Variants in TTC39C observed in about 807,000 individuals in gnomAD.
TTC39C encodes the protein tetratricopeptide repeat domain 39C.
A neutral mutation model predicts 76.3 loss-of-function variants in TTC39C; 33 were observed. The ratio of observed to expected loss-of-function variants is 0.43; its 90% CI spans 0.33 to 0.58. The LOEUF (loss-of-function observed/expected upper bound fraction) is 0.58. Among genes scored for constraint, TTC39C ranks in the 20% least tolerant of loss-of-function variants. The pLI is 0.04. For missense variants in TTC39C, 595 were observed against 701.4 expected (o/e 0.85, Z 1.71); for synonymous variants, 254 against 260.6 (o/e 0.97, Z 0.24).
chr18:24,047,068 A>T (rs1289213520), intron 1 of TTC39C, among the ~76,000 whole-genome samples: 2 of 151,710 alleles, frequency 1.3e-5, no homozygotes, highest in Admixed American at 6.6e-5. Context: ...TCTTAAGAAG[A>T]TATACATTTA....
chr18:24,093,050 A>G (rs565303852), intron 6 of TTC39C, among the ~76,000 whole-genome samples: 3 of 152,322 alleles, frequency 2.0e-5, no homozygotes, highest in African/African-American at 4.8e-5. Context: ...AAAAATATGT[A>G]TATTTTAAAC....
rs887476558 is a variant in TTC39C at position 24,075,702 on chromosome 18, A to C, written c.461-4883A>C. On this transcript the variant is annotated intron_variant, in intron 4 of 13. Coordinates refer to ENST00000317571, the MANE Select transcript of TTC39C (RefSeq NM_001135993.2). ...CTTGTCTCAAAAAAAAAAAAAAAAA[A>C]ACAAAAAAAAAACCTCTATTATTTG... 7.4e-5 allele frequency among the ~76,000 whole-genome samples: 11 copies of C among 147,826 alleles called. 1 individual carries two copies. Among genetic ancestry groups the C allele is most frequent in the African/African-American group, 2.6e-4 (10 of 38,550 alleles).
chr18:24,112,750 T>C (rs2084832133), intron 6 of TTC39C, among the ~76,000 whole-genome samples: 1 of 152,200 alleles, frequency 6.6e-6, no homozygotes, highest in Admixed American at 6.5e-5. Flanking sequence ...GTGAGAACTA[T>C]GTCATTAATT....
rs1024176766 is a variant in TTC39C at position 24,040,097 on chromosome 18, G to A, written c.168-24043G>A. Reference sequence around the variant, plus strand: ...ACTTGAAGTAGCTGGAGGAGTAATCGGAGGCCTCTTGATTGGGACCGTGAT... The same window carrying A: ...ACTTGAAGTAGCTGGAGGAGTAATCAGAGGCCTCTTGATTGGGACCGTGAT... On this transcript the variant is annotated intron_variant, in intron 1 of 13. Transcript: ENST00000317571. 2.0e-5 allele frequency among the ~76,000 whole-genome samples: 3 copies of A among 152,114 alleles called. No individual in the cohort carries two copies. The South Asian group carries it at 6.2e-4, about 31-fold the overall frequency.
chr18:24,114,831 A>AT (rs370373645), intron 7 of TTC39C, 184 bp downstream of exon 7: 24 of 513,974 alleles, frequency 4.7e-5, no homozygotes, highest in Middle Eastern at 4.5e-4. Context: ...TTTTTATAAC[A>AT]TTTTTTCTTT....
In TTC39C at chr18:24,066,058, A is replaced by T; in HGVS notation, c.263A>T (p.Asp88Val). 1.2e-6 allele frequency: 2 copies of T among 1,600,216 alleles called. No homozygotes were observed. The highest frequency in any genetic ancestry group is 1.7e-6 in the Non-Finnish European group (2 of 1,176,590). ...GAAGAAAAAATGCAGTTGGCATGTG[A>T]TGACTTAAAAACCACAGAAAAACTG... is the stretch of plus-strand genomic sequence containing the variant. ...FEEEKMQLAC[D>V]DLKTTEKLCE... is the part of the protein sequence containing the mutation. Residue 88 changes from aspartate (D) to valine (V), a missense_variant, in exon 3 of 14, where the codon GAT becomes GTT. Physicochemically the swap from Asp to Val is radical, Grantham distance 152 (BLOSUM62 -3). Transcript: ENST00000317571.
chr18:24,081,061 CT>C, intron 5 of TTC39C, 122 bp downstream of exon 5: 1 of 882,402 alleles, frequency 1.1e-6, no homozygotes, highest in Non-Finnish European at 1.7e-6. Context: ...GGTGCTGTGT[CT>C]TATGTCTTTC....
chr18:24,082,772 C>T (rs75254145), intron 5 of TTC39C, 141 bp from the exon 6 acceptor site: 25,276 of 824,716 alleles, frequency 0.031, 1,621 homozygotes, highest in African/African-American at 0.22. Context: ...TGGGGAAAGT[C>T]TCTGATTTTA....
chr18:24,016,492 TA>T, intron 1 of TTC39C: 1 of 388,312 alleles, frequency 2.6e-6, no homozygotes, highest in Non-Finnish European at 4.5e-6. Context: ...TTACCCTTTT[TA>T]GTTGATGATT....
At chr18:24,022,894 T>C (rs1416921327) in intron 1 of TTC39C, 1 of 984,468 alleles carries the variant, frequency 1.0e-6, no homozygotes, top group East Asian at 1.1e-4. Context: ...AGCAAAAGGT[T>C]GTATGACTCC....
chr18:24,008,048 T>A (rs554505062), intron 1 of TTC39C, among the ~76,000 whole-genome samples: 1 of 152,294 alleles, frequency 6.6e-6, no homozygotes, highest in South Asian at 2.1e-4. Context: ...CTGAAAGAGA[T>A]GAAGTAAAAT....
intron 6 of TTC39C, among the ~76,000 whole-genome samples, chr18:24,091,699 GA>G (rs2084518433): frequency 6.6e-6 from 1 of 152,162 alleles, no homozygotes; most frequent in Non-Finnish European, 1.5e-5. Context: ...TAGAATGGGA[GA>G]AAATATTTGC....
chr18:24,116,550 A>G (rs575304435), intron 7 of TTC39C, among the ~76,000 whole-genome samples: 19 of 152,264 alleles, frequency 1.2e-4, no homozygotes, highest in African/African-American at 4.3e-4. Flanking sequence ...GTGTTTCCAA[A>G]AAAAGCCCAA....
chr18:24,126,214 A>C (rs56188068), intron 10 of TTC39C, among the ~76,000 whole-genome samples: 18,570 of 152,138 alleles, frequency 0.12, 1,303 homozygotes, highest in Middle Eastern at 0.28. Flanking sequence ...AAAAAAAAGA[A>C]ATATGTTCTT....
intron 1 of TTC39C, among the ~76,000 whole-genome samples, chr18:23,996,164 T>C (rs1266467846): frequency 1.3e-5 from 2 of 152,260 alleles, no homozygotes; most frequent in South Asian, 2.1e-4. Context: ...AAATGAGTGA[T>C]GTTGAACATC....
At position 24,114,223 on chromosome 18, in the gene TTC39C, C is replaced by T. The variant is rs1048624495; in HGVS notation, c.985-331C>T. 6.6e-5 allele frequency: 18 copies of T among 271,338 alleles called. No individual in the cohort carries two copies. In the East Asian group the frequency reaches 8.1e-4, roughly 12 times the overall value. The allele number at this position is 271,338 out of a possible 1,614,324, so 16.8% of individuals were successfully genotyped here. On this transcript the variant is annotated intron_variant, in intron 6 of 13. Coordinates refer to ENST00000317571, the MANE Select transcript of TTC39C (RefSeq NM_001135993.2). ...GAGAGAACGCTGGAGGAGAAGGCGG[C>T]GCGAGCTGAGCCCTTACCACCTGAG...
chr18:24,075,142 G>A (rs2084287153), intron 4 of TTC39C, among the ~76,000 whole-genome samples: 1 of 151,806 alleles, frequency 6.6e-6, no homozygotes, highest in African/African-American at 2.4e-5. Context: ...ACACACCGGG[G>A]CCTGTCGTGG....
intron 1 of TTC39C, among the ~76,000 whole-genome samples, chr18:24,058,603 C>G (rs1173221943): frequency 6.6e-6 from 1 of 151,792 alleles, no homozygotes; most frequent in Non-Finnish European, 1.5e-5. Flanking sequence ...TGCAGTGAGC[C>G]GACCACTGCA....
At chr18:24,002,696 C>T (rs566869906) in intron 1 of TTC39C, among the ~76,000 whole-genome samples, 7 of 152,296 alleles carry the variant, frequency 4.6e-5, no homozygotes, top group African/African-American at 1.7e-4. Context: ...TGCTCTCCCT[C>T]TGCAGGAGAG....
Sources: gnomAD v4.1 joint callset for allele counts (sites outside exome capture counted in the v4.1 genomes callset) on GRCh38, gnomAD v4.1.1 for gene constraint, MANE v1.5 for transcripts, NCBI Gene and HGNC (gene_info 2026-07-23, HGNC 2026-07-21) for gene names.